Variants in SLX4IP observed in about 807,000 individuals in gnomAD.
The protein encoded by SLX4IP is SLX4 interacting protein.
SLX4IP carries 34 observed loss-of-function variants against 32.9 expected under a neutral mutation model. The ratio of observed to expected loss-of-function variants is 1.03; its 90% CI spans 0.79 to 1.38. The LOEUF is 1.38. SLX4IP is among the 40% of genes most tolerant of loss of function. SLX4IP has a pLI of 0.00. For synonymous variants in SLX4IP, 172 were observed against 171.7 expected, an observed-to-expected ratio of 1.00 and a Z score of -0.01; for missense variants, 444 against 479.0, an observed-to-expected ratio of 0.93 and a Z score of 0.68.
At chr20:10,466,802 A>G (rs2065384407) in intron 2 of SLX4IP, among the ~76,000 whole-genome samples, 1 of 152,098 alleles carries the variant, frequency 6.6e-6, no homozygotes. Flanking sequence ...TTCTGAATCT[A>G]AAGTAAAAGA....
intron 1 of SLX4IP, among the ~76,000 whole-genome samples, chr20:10,442,171 G>A (rs1164075388): frequency 6.6e-6 from 1 of 152,204 alleles, no homozygotes; most frequent in East Asian, 1.9e-4. Context: ...ATTTGCTTGT[G>A]ACACAGGCCA....
chr20:10,541,497 T>C (rs913122796), intron 2 of SLX4IP, among the ~76,000 whole-genome samples: 5 of 152,258 alleles, frequency 3.3e-5, no homozygotes, highest in African/African-American at 1.2e-4. Flanking sequence ...TATGTAGCTG[T>C]TTAAGTTAAT....
At chr20:10,473,195 A>G (rs886879427) in intron 2 of SLX4IP, among the ~76,000 whole-genome samples, 4 of 152,200 alleles carry the variant, frequency 2.6e-5, no homozygotes, top group Admixed American at 6.5e-5. Context: ...TTAGCTTGTG[A>G]ACCAGGCCTG....
chr20:10,467,789 T>TCTAAAAGG (rs1366510640), intron 2 of SLX4IP, among the ~76,000 whole-genome samples: 1 of 152,214 alleles, frequency 6.6e-6, no homozygotes, highest in Non-Finnish European at 1.5e-5. Context: ...AGATACCTTC[T>TCTAAAAGG]CACTCTGTAA....
At chr20:10,560,544 G>A (rs57951964) in intron 3 of SLX4IP, among the ~76,000 whole-genome samples, 156 bp from the exon 4 acceptor site, 1 of 152,062 alleles carries the variant, frequency 6.6e-6, no homozygotes, top group South Asian at 2.1e-4. Context: ...TTAAATTTGC[G>A]GTGTTATTCA....
intron 4 of SLX4IP, among the ~76,000 whole-genome samples, chr20:10,597,348 G>A (rs56285614): frequency 1.3e-5 from 2 of 152,126 alleles, no homozygotes; most frequent in African/African-American, 4.8e-5. Context: ...AACCAGGAAC[G>A]GTTTTACTGT....
At chr20:10,565,577 A>G (rs1237530907) in intron 4 of SLX4IP, among the ~76,000 whole-genome samples, 1 of 152,206 alleles carries the variant, frequency 6.6e-6, no homozygotes, top group African/African-American at 2.4e-5. Flanking sequence ...TCCTAGTTAC[A>G]AGTGAGTCAG....
intron 2 of SLX4IP, among the ~76,000 whole-genome samples, chr20:10,461,462 G>C (rs900334498): frequency 6.6e-5 from 10 of 152,208 alleles, no homozygotes; most frequent in South Asian, 2.1e-4. Context: ...CGTATTGAAG[G>C]CTCTGCACAT....
At chr20:10,550,195 C>T (rs530811142) in intron 2 of SLX4IP, among the ~76,000 whole-genome samples, 41 of 152,304 alleles carry the variant, frequency 2.7e-4, no homozygotes, top group Non-Finnish European at 4.7e-4. Context: ...GGCCTATCAT[C>T]GGTTTCATCT....
At chr20:10,586,751 TTAAAA>T (rs1389333770) in intron 4 of SLX4IP, among the ~76,000 whole-genome samples, 18 of 152,068 alleles carry the variant, frequency 1.2e-4, no homozygotes, top group East Asian at 3.9e-4. Flanking sequence ...TAGGTGGAAA[TTAAAA>T]TAAAAGACTA....
Position 10,627,465 on chromosome 20 carries a change from T to C in SLX4IP, c.*4086T>C, listed in dbSNP as rs1421757007. On this transcript the variant is annotated 3_prime_UTR_variant, in exon 8 of 8. Coordinates refer to ENST00000334534, the MANE Select transcript of SLX4IP (RefSeq NM_001009608.3). ...TACAGAAATCTAACCGTATATATCA[T>C]TGGTATTGCAATTTAAGGGTATAAT... The C allele has an allele frequency of 2.0e-5, 3 of 152,254 alleles. No homozygotes were observed. Among genetic ancestry groups the C allele is most frequent in the Non-Finnish European group, 4.4e-5 (3 of 68,046 alleles). The allele number at this position is 152,254 out of a possible 1,614,324, so 9.4% of individuals were successfully genotyped here.
At position 10,624,839 on chromosome 20, in the gene SLX4IP, AC is replaced by A; in HGVS notation, c.*1462del. ...TGAAGCAGCAGCTATATTTCATGGC[AC>A]CATTTTGGGTCATGAAATTCCATCT... On this transcript the variant is annotated 3_prime_UTR_variant, in exon 8 of 8. Coordinates refer to ENST00000334534, the MANE Select transcript of SLX4IP (RefSeq NM_001009608.3). 1 of 152,308 alleles carries A rather than the reference AC, an allele frequency of 6.6e-6. No individual in the cohort carries two copies. Among genetic ancestry groups the A allele is most frequent in the South Asian group, 2.1e-4 (1 of 4,828 alleles). The allele number at this position is 152,308 out of a possible 1,614,324, so 9.4% of individuals were successfully genotyped here.
chr20:10,562,347 T>C (rs1341624537), intron 4 of SLX4IP, among the ~76,000 whole-genome samples: 2 of 152,048 alleles, frequency 1.3e-5, no homozygotes, highest in Non-Finnish European at 2.9e-5. Flanking sequence ...AAGGTGGTCT[T>C]CCCCTGGAGT....
intron 6 of SLX4IP, among the ~76,000 whole-genome samples, chr20:10,608,798 A>G (rs116266782): frequency 6.1e-4 from 93 of 152,156 alleles, no homozygotes; most frequent in African/African-American, 2.1e-3. Flanking sequence ...CGCCACATTA[A>G]CAGACTGCTG....
chr20:10,496,624 C>T (rs984087172), intron 2 of SLX4IP, among the ~76,000 whole-genome samples: 2 of 151,878 alleles, frequency 1.3e-5, no homozygotes, highest in African/African-American at 4.8e-5. Context: ...TCCTCACATC[C>T]ATGTACTACT....
rs557429126 is a variant in SLX4IP, at chr20:10,580,751, G to T, written c.239-17924G>T. On this transcript the variant is annotated intron_variant, in intron 4 of 7. Coordinates refer to ENST00000334534, the MANE Select transcript of SLX4IP (RefSeq NM_001009608.3). ...TTTGAGGGGCACCTGGTTTTTGACA[G>T]AATGAAAAAAGCATAACCATTTCCT... Among the ~76,000 whole-genome samples, 5 of 152,014 alleles carry T rather than the reference G, an allele frequency of 3.3e-5. No homozygotes were observed. In the East Asian group the frequency reaches 9.8e-4, roughly 30 times the overall value.
intron 6 of SLX4IP, among the ~76,000 whole-genome samples, chr20:10,605,026 C>T (rs1169405253): frequency 1.3e-5 from 2 of 152,094 alleles, no homozygotes; most frequent in Admixed American, 6.5e-5. Context: ...TCCATTCCAA[C>T]AATATTTTCT....
chr20:10,563,111 T>G (rs1356592760), intron 4 of SLX4IP, among the ~76,000 whole-genome samples: 1 of 152,240 alleles, frequency 6.6e-6, no homozygotes, highest in African/African-American at 2.4e-5. Context: ...CCATCCTAAC[T>G]GCGGTGAGAT....
At chr20:10,569,919 T>C (rs2066442987) in intron 4 of SLX4IP, among the ~76,000 whole-genome samples, 1 of 152,230 alleles carries the variant, frequency 6.6e-6, no homozygotes, top group Admixed American at 6.5e-5. Context: ...TCTCCAAATA[T>C]AGTCACATCC....
Sources: allele counts gnomAD v4.1 joint callset (sites outside exome capture counted in the v4.1 genomes callset), GRCh38; gene constraint gnomAD v4.1.1; transcripts MANE v1.5; gene names NCBI Gene and HGNC (gene_info 2026-07-23, HGNC 2026-07-21).